ZNF251: variants seen among roughly 807,000 people sequenced by gnomAD.
The protein encoded by ZNF251 is zinc finger protein 251.
Under a neutral mutation model 13.5 loss-of-function variants are expected in ZNF251, and 14 were observed. The observed-to-expected ratio is 1.04, with a 90% CI of 0.69 to 1.63. ZNF251 has a LOEUF of 1.63. Among genes scored for constraint, ZNF251 ranks in the 40% most tolerant of loss-of-function variants. ZNF251 has a pLI of 0.00. For synonymous variants in ZNF251, 287 were observed against 295.2 expected (o/e 0.97, Z 0.28); for missense variants, 764 against 834.9 (o/e 0.92, Z 1.05).
chr8:144,722,674 C>T lies in ZNF251; in HGVS notation c.986G>A (p.Gly329Asp). 1 of 1,613,828 alleles carries T rather than the reference C, an allele frequency of 6.2e-7. No homozygotes were observed. The highest frequency in any genetic ancestry group is 8.5e-7 in the Non-Finnish European group (1 of 1,179,930). Residue 329 changes from glycine to aspartate, a missense_variant, in exon 5 of 5, where the codon GGC (glycine) becomes GAC (aspartate). Gly to Asp is a moderately conservative substitution (Grantham distance 94). Coordinates refer to ENST00000292562, the MANE Select transcript of ZNF251 (RefSeq NM_138367.2). This position sits in a 1 kb window ranked among gnomAD's most constrained non-coding sequence, Gnocchi z 4.8. ...KPYKCNECGR[G>D]FSQSPQLTQH... The stretch of plus-strand genomic sequence containing the variant: ...AGTTAACTGGGGGCTCTGGCTAAAG[C>T]CTCTTCCACATTCATTACACTTGTA...
At chr8:144,737,506 C>T (rs928841735) in intron 4 of ZNF251, among the ~76,000 whole-genome samples, 5 of 150,540 alleles carry the variant, frequency 3.3e-5, no homozygotes, top group African/African-American at 7.4e-5. Context: ...GAGATTCCGT[C>T]GCAAAAACAA....
At chr8:144,754,842 A>G in intron 1 of ZNF251, 39 bp from the exon 2 acceptor site, 1 of 1,503,330 alleles carries the variant, frequency 6.7e-7, no homozygotes, top group Non-Finnish European at 8.9e-7. Flanking sequence ...CCATTCAACC[A>G]GGGGTGTGGA....
chr8:144,722,952 C>T lies in ZNF251; in HGVS notation c.708G>A (p.Pro236=), dbSNP rs145347635. The T allele has an allele frequency of 7.7e-3, 12,484 of 1,612,676 alleles. 92 individuals carry two copies. The highest frequency in any genetic ancestry group is 8.4e-3 in the South Asian group (762 of 90,778). ...RHQRSHTGEK[P]YECGRCGRAF... ...CTCGCCCACACCGGCCACATTCGTACGGCTTCTCCCCAGTGTGACTTCTCT... is the reference window on the plus strand; with the variant it reads ...CTCGCCCACACCGGCCACATTCGTATGGCTTCTCCCCAGTGTGACTTCTCT... Residue 236 remains proline (P), a synonymous_variant, in exon 5 of 5, where the codon CCG becomes CCA. Transcript: ENST00000292562. This position sits in a 1 kb window ranked among gnomAD's most constrained non-coding sequence, Gnocchi z 4.8.
chr8:144,732,872 A>C (rs1388065075), intron 4 of ZNF251, among the ~76,000 whole-genome samples: 1 of 151,304 alleles, frequency 6.6e-6, no homozygotes, highest in Non-Finnish European at 1.5e-5. Context: ...TCAAAAAACA[A>C]ACCACAGTAG....
intron 4 of ZNF251, among the ~76,000 whole-genome samples, chr8:144,730,281 A>T (rs1029403075): frequency 6.6e-5 from 10 of 152,248 alleles, no homozygotes; most frequent in African/African-American, 2.2e-4. Flanking sequence ...GTGGTAAGAC[A>T]GCCACGGAAA....
intron 4 of ZNF251, among the ~76,000 whole-genome samples, chr8:144,749,880 T>TTTC (rs1251102423): frequency 4.5e-5 from 6 of 133,222 alleles, no homozygotes; most frequent in African/African-American, 1.8e-4. Context: ...CTTTTCTTTT[T>TTTC]TTTCTTTTTT....
intron 4 of ZNF251, among the ~76,000 whole-genome samples, chr8:144,732,615 A>T (rs4925840): frequency 8.6e-5 from 13 of 151,242 alleles, no homozygotes; most frequent in Admixed American, 7.2e-4. Context: ...GATGGAGACC[A>T]TCCTGGCCAA....
rs754778293 is a variant in ZNF251, at chr8:144,722,669, T to C, written c.991A>G (p.Ser331Gly). ...TGCTGAGTTAACTGGGGGCTCTGGC[T>C]AAAGCCTCTTCCACATTCATTACAC... is the stretch of plus-strand genomic sequence containing the variant. ...YKCNECGRGFSQSPQLTQHQR... is the reference protein window; with the variant it reads ...YKCNECGRGFGQSPQLTQHQR... Residue 331 changes from serine to glycine, a missense_variant, in exon 5 of 5, where the codon AGC (serine) becomes GGC (glycine). Physicochemically the swap from Ser to Gly is moderately conservative, Grantham distance 56. Transcript: ENST00000292562. This position sits in a 1 kb window ranked among gnomAD's most constrained non-coding sequence, Gnocchi z 4.8. 1 of 1,614,114 alleles carries C rather than the reference T, an allele frequency of 6.2e-7. No individual in the cohort carries two copies. The highest frequency in any genetic ancestry group is 1.3e-5 in the African/African-American group (1 of 75,018).
intron 4 of ZNF251, among the ~76,000 whole-genome samples, chr8:144,741,338 C>A (rs1308825485): frequency 6.6e-6 from 1 of 152,152 alleles, no homozygotes; most frequent in African/African-American, 2.4e-5. Flanking sequence ...TGGTGACCAG[C>A]TGCACAGATG....
intron 4 of ZNF251, chr8:144,738,754 G>A (rs746093772): frequency 3.1e-5 from 31 of 984,712 alleles, no homozygotes; most frequent in Non-Finnish European, 3.7e-5. Flanking sequence ...AACCTCGTGG[G>A]GGCACCTGTT....
At chr8:144,732,575 G>T (rs1447686009) in intron 4 of ZNF251, among the ~76,000 whole-genome samples, 1 of 152,032 alleles carries the variant, frequency 6.6e-6, no homozygotes, top group African/African-American at 2.4e-5. Flanking sequence ...CACTTGGGGA[G>T]GCCAAGGCGG....
At chr8:144,754,582 A>G in intron 2 of ZNF251, 114 bp downstream of exon 2, 1 of 1,471,836 alleles carries the variant, frequency 6.8e-7, no homozygotes, top group Non-Finnish European at 9.0e-7. Flanking sequence ...CACGGTTGCT[A>G]TGAGCCCCTG....
In ZNF251 at chr8:144,722,365, G is replaced by A. The variant is rs761041427; in HGVS notation, c.1295C>T (p.Pro432Leu). Residue 432 changes from proline (P) to leucine (L), a missense_variant, in exon 5 of 5, where the codon CCC becomes CTC. Pro to Leu is a moderately conservative substitution (Grantham distance 98). Transcript: ENST00000292562. The surrounding 1 kb of genome is among the most constrained non-coding windows in gnomAD (Gnocchi z 4.8). ...TTTGCCGCACTCATTACAAACATAG[G>A]GTTTTTCTCCTGTGTGAATCCTTAC... ...EHVRIHTGEK[P>L]YVCNECGKAF... 1.2e-6 allele frequency: 2 copies of A among 1,613,922 alleles called. No homozygotes were observed. The highest frequency in any genetic ancestry group is 1.7e-6 in the Non-Finnish European group (2 of 1,179,878).
intron 4 of ZNF251, among the ~76,000 whole-genome samples, chr8:144,730,951 C>A (rs1440395780): frequency 1.3e-5 from 2 of 152,214 alleles, no homozygotes; most frequent in Non-Finnish European, 2.9e-5. Flanking sequence ...GAACCGCCCC[C>A]CTCAGAGGAG....
chr8:144,721,931 G>A lies in ZNF251; in HGVS notation c.1729C>T (p.Pro577Ser). The A allele has an allele frequency of 6.6e-7, 1 of 1,516,232 alleles. No individual in the cohort carries two copies. The highest frequency in any genetic ancestry group is 8.8e-7 in the Non-Finnish European group (1 of 1,131,844). 93.9% of individuals were successfully genotyped at this position (1,516,232 alleles called of 1,614,324 possible). ...TGATCTTCAGTGGGTCGTGAGGTGG[G>A]ACTGAAAGCTTTTCCATATTCATTA... is the stretch of plus-strand genomic sequence containing the variant. ...GCNEYGKAFS[P>S]TSRPTEDQIM... The change falls in exon 5 of 5, where the codon CCC becomes TCC. Residue 577 changes from proline (P) to serine (S), a missense_variant. By Grantham distance (74) the Pro-to-Ser change is moderately conservative. Coordinates refer to ENST00000292562, the MANE Select transcript of ZNF251 (RefSeq NM_138367.2).
At chr8:144,742,531 A>AGGT in intron 4 of ZNF251, among the ~76,000 whole-genome samples, 1 of 151,500 alleles carries the variant, frequency 6.6e-6, no homozygotes, top group Non-Finnish European at 1.5e-5. Flanking sequence ...GTCACAATGA[A>AGGT]TGAACCCACA....
At chr8:144,754,142 G>GC in intron 3 of ZNF251, 50 bp downstream of exon 3, 1 of 1,577,800 alleles carries the variant, frequency 6.3e-7, no homozygotes, top group Admixed American at 1.9e-5. Flanking sequence ...AGCCTCCCAA[G>GC]CTCCTCAGAG....
rs765807577 is a variant in ZNF251 at position 144,722,390 on chromosome 8, C to T, written c.1270G>A (p.Val424Ile). ...GGTTTTTCTCCTGTGTGAATCCTTA[C>T]GTGTTCAGTAAGATGAGAGTTAAAA... Reference protein sequence around the residue: ...FGFNSHLTEHVRIHTGEKPYV... With the variant: ...FGFNSHLTEHIRIHTGEKPYV... The change falls in exon 5 of 5, where the codon GTA becomes ATA. Residue 424 changes from valine (V) to isoleucine (I), a missense_variant. Coordinates refer to ENST00000292562, the MANE Select transcript of ZNF251 (RefSeq NM_138367.2). This position sits in a 1 kb window ranked among gnomAD's most constrained non-coding sequence, Gnocchi z 4.8. 51 of 1,613,720 alleles carry T rather than the reference C, an allele frequency of 3.2e-5. No homozygotes were observed. The highest frequency in any genetic ancestry group is 1.3e-4 in the South Asian group (12 of 91,066).
intron 4 of ZNF251, among the ~76,000 whole-genome samples, chr8:144,740,723 C>G (rs1042785958): frequency 6.6e-6 from 1 of 152,082 alleles, no homozygotes; most frequent in African/African-American, 2.4e-5. Context: ...TGCCTAAGCT[C>G]AGGAATTCGA....
Sources: allele counts gnomAD v4.1 joint callset (sites outside exome capture counted in the v4.1 genomes callset), GRCh38; gene constraint gnomAD v4.1.1; non-coding constraint Gnocchi (gnomAD v3.1); transcripts MANE v1.5; gene names NCBI Gene and HGNC (gene_info 2026-07-23, HGNC 2026-07-21).